STON2: variants seen among roughly 807,000 people sequenced by gnomAD.
STON2 encodes the protein stonin 2.
A neutral mutation model predicts 65.7 loss-of-function variants in STON2; 29 were observed. That is an observed-to-expected ratio of 0.44 (90% CI 0.33 to 0.60). STON2 has a LOEUF of 0.60. STON2 is among the 20% of genes least tolerant of loss of function. The pLI is 0.03. For synonymous variants in STON2, 404 were observed against 414.2 expected (o/e 0.98, Z 0.30); for missense variants, 1,054 against 1,118.1 (o/e 0.94, Z 0.82).
At chr14:81,342,108 T>C (rs1897634503) in intron 4 of STON2, among the ~76,000 whole-genome samples, 2 of 152,176 alleles carry the variant, frequency 1.3e-5, no homozygotes, top group South Asian at 4.1e-4. Context: ...ACCAATATTA[T>C]GTTCATAACA....
intron 4 of STON2, among the ~76,000 whole-genome samples, chr14:81,349,804 T>C (rs543930264): frequency 7.2e-5 from 11 of 152,254 alleles, no homozygotes; most frequent in African/African-American, 2.6e-4. Flanking sequence ...CTATTTACAA[T>C]AGTCAAGATA....
Position 81,262,577 on chromosome 14 carries a change from A to G in STON2, c.*5837T>C. The G allele has an allele frequency of 1.0e-6, 1 of 985,352 alleles. No individual in the cohort carries two copies. Among genetic ancestry groups the G allele is most frequent in the South Asian group, 4.7e-5 (1 of 21,288 alleles). The allele number at this position is 985,352 out of a possible 1,614,324, so 61.0% of individuals were successfully genotyped here. A position where few individuals can be genotyped will look rare whatever the true frequency, so the allele number is the denominator to read the frequency against. ...TTTTTCATATTGAAATTCTTTTTTT[A>G]GTCTATTCTCTTGTAGCTTTTGTTA... On this transcript the variant is annotated 3_prime_UTR_variant, in exon 8 of 8. Coordinates refer to ENST00000614646, the MANE Select transcript of STON2 (RefSeq NM_001394390.1).
At chr14:81,338,992 G>A (rs897868831) in intron 4 of STON2, among the ~76,000 whole-genome samples, 1 of 152,140 alleles carries the variant, frequency 6.6e-6, no homozygotes, top group Non-Finnish European at 1.5e-5. Flanking sequence ...AAGGAGTAAA[G>A]CAAAGAGTGT....
At chr14:81,396,212 G>A in intron 2 of STON2, 34 bp from the exon 3 acceptor site, 1 of 1,561,676 alleles carries the variant, frequency 6.4e-7, no homozygotes, top group Non-Finnish European at 8.7e-7. Flanking sequence ...CATCATGTGA[G>A]GAAGGCCGCT....
chr14:81,370,097 G>C (rs868045740), intron 4 of STON2, among the ~76,000 whole-genome samples: 1 of 152,208 alleles, frequency 6.6e-6, no homozygotes, highest in Non-Finnish European at 1.5e-5. Flanking sequence ...CTACAAGACA[G>C]ATCGCTCTCT....
intron 3 of STON2, among the ~76,000 whole-genome samples, chr14:81,376,098 TG>T (rs966194661): frequency 8.6e-5 from 13 of 151,642 alleles, no homozygotes; most frequent in African/African-American, 3.1e-4. Flanking sequence ...AGAAGACAAA[TG>T]AAACTTCATA....
chr14:81,285,063 A>G (rs1474730971), intron 5 of STON2, among the ~76,000 whole-genome samples: 2 of 152,244 alleles, frequency 1.3e-5, no homozygotes, highest in African/African-American at 4.8e-5. Context: ...GAGCACTGAT[A>G]GAGATGTACA....
chr14:81,387,433 G>A (rs531837682), intron 3 of STON2, among the ~76,000 whole-genome samples: 5 of 152,156 alleles, frequency 3.3e-5, no homozygotes, highest in South Asian at 2.1e-4. Flanking sequence ...AAGTCAAAGA[G>A]GTATGAATCC....
At chr14:81,275,731 TA>T in intron 6 of STON2, among the ~76,000 whole-genome samples, 1 of 152,290 alleles carries the variant, frequency 6.6e-6, no homozygotes, top group African/African-American at 2.4e-5. Context: ...CAGTGTCTGA[TA>T]CAGAATGCCC....
intron 5 of STON2, among the ~76,000 whole-genome samples, chr14:81,311,603 C>T (rs1212494064): frequency 6.6e-6 from 1 of 152,152 alleles, no homozygotes; most frequent in African/African-American, 2.4e-5. Flanking sequence ...AAATGAGGCA[C>T]AAGGGTTAAA....
chr14:81,333,236 G>T, intron 4 of STON2: 2 of 838,604 alleles, frequency 2.4e-6, no homozygotes, highest in South Asian at 2.6e-5. Context: ...AGTTTTTCCC[G>T]AATTTCTGTC....
At chr14:81,425,123 A>G (rs1469255790) in intron 2 of STON2, among the ~76,000 whole-genome samples, 1 of 152,244 alleles carries the variant, frequency 6.6e-6, no homozygotes, top group Admixed American at 6.5e-5. Context: ...ATGGAGTGAC[A>G]AGACTTCAGA....
At chr14:81,306,688 C>T (rs12588234) in intron 5 of STON2, 14 of 152,052 alleles carry the variant, frequency 9.2e-5, no homozygotes, top group Admixed American at 7.2e-4. Context: ...CCTGACATCC[C>T]CAGAGATGGT....
At chr14:81,275,974 C>T (rs1894800371) in intron 6 of STON2, among the ~76,000 whole-genome samples, 1 of 152,210 alleles carries the variant, frequency 6.6e-6, no homozygotes, top group Non-Finnish European at 1.5e-5. Context: ...CCTTTTTGCT[C>T]AGCTAGCGTA....
chr14:81,356,760 T>G (rs1488302031), intron 4 of STON2, among the ~76,000 whole-genome samples: 3 of 152,104 alleles, frequency 2.0e-5, no homozygotes, highest in Non-Finnish European at 4.4e-5. Flanking sequence ...TTGAGGAATT[T>G]ATCCATTTCT....
intron 1 of STON2, among the ~76,000 whole-genome samples, chr14:81,427,686 T>G (rs1316944273): frequency 6.7e-6 from 1 of 148,992 alleles, no homozygotes; most frequent in Non-Finnish European, 1.5e-5. Flanking sequence ...TTTTTAGAGA[T>G]CATAACAAAA....
intron 2 of STON2, among the ~76,000 whole-genome samples, chr14:81,425,850 T>G (rs1410086894): frequency 6.6e-6 from 1 of 152,238 alleles, no homozygotes; most frequent in Non-Finnish European, 1.5e-5. Context: ...CTGGCATATG[T>G]GTATAGTTAC....
chr14:81,415,174 A>C (rs1039053977), intron 2 of STON2, among the ~76,000 whole-genome samples: 3 of 152,076 alleles, frequency 2.0e-5, no homozygotes, highest in African/African-American at 7.2e-5. Context: ...AGCACTGTTC[A>C]TGACAGTTCA....
At chr14:81,432,483 C>G (rs891080478) in intron 1 of STON2, among the ~76,000 whole-genome samples, 1 of 152,128 alleles carries the variant, frequency 6.6e-6, no homozygotes, top group Non-Finnish European at 1.5e-5. Context: ...ATTTCTTGGT[C>G]TGACTATATG....
Sources: gnomAD v4.1 joint callset for allele counts (sites outside exome capture counted in the v4.1 genomes callset) on GRCh38, gnomAD v4.1.1 for gene constraint, MANE v1.5 for transcripts, NCBI Gene and HGNC (gene_info 2026-07-23, HGNC 2026-07-21) for gene names.